Variants in DALRD3 observed in about 807,000 individuals in gnomAD.
The protein encoded by DALRD3 is DALR anticodon-binding domain-containing protein 3.
A neutral mutation model predicts 56.7 loss-of-function variants in DALRD3; 47 were observed. The ratio of observed to expected loss-of-function variants is 0.83; its 90% confidence interval spans 0.66 to 1.06. The LOEUF (loss-of-function observed/expected upper bound fraction) is 1.06. Among genes scored for constraint, DALRD3 ranks in the 50% least tolerant of loss-of-function variants. The probability of loss-of-function intolerance (pLI) is 0.00; values close to 1 mark genes in which losing one functional copy is unlikely to be tolerated. For synonymous variants in DALRD3, 347 were observed against 308.5 expected (o/e 1.12, Z -1.31); for missense variants, 787 against 724.0 (o/e 1.09, Z -1.00).
In DALRD3 at chr3:49,018,275, G is replaced by A; in HGVS notation, c.209C>T (p.Pro70Leu). 1.4e-6 allele frequency: 2 copies of A among 1,445,738 alleles called. No individual in the cohort carries two copies. The highest frequency in any genetic ancestry group is 5.3e-5 in the East Asian group (2 of 37,706). The allele number at this position is 1,445,738 out of a possible 1,614,324, so 89.6% of individuals were successfully genotyped here. ...GCAGCGCAGCACCGGGGCCACACCG[G>A]GGCCCTGCAGGCAGGCGAGGGCATG... ...LLHALACLQG[P>L]GVAPVLRCAP... The change falls in exon 2 of 12, where the codon CCC becomes CTC. Residue 70 changes from proline (P) to leucine (L), a missense_variant. Transcript: ENST00000341949.
upstream of DALRD3, chr3:49,018,782 C>G: frequency 1.0e-6 from 1 of 985,480 alleles, no homozygotes; most frequent in Non-Finnish European, 1.2e-6. Flanking sequence ...TCTCGGGGCC[C>G]TCCCTGGGCC....
upstream of DALRD3, among the ~76,000 whole-genome samples, chr3:49,019,533 A>C (rs2093133703): frequency 6.8e-6 from 1 of 146,818 alleles, no homozygotes; most frequent in African/African-American, 2.5e-5. Flanking sequence ...AGGCTGGAGT[A>C]CAGTGGTGTG....
chr3:49,015,613 C>G lies in DALRD3; in HGVS notation c.1607G>C (p.Gly536Ala). The G allele has an allele frequency of 6.2e-7, 1 of 1,614,110 alleles. No individual in the cohort carries two copies. The highest frequency in any genetic ancestry group is 1.1e-5 in the South Asian group (1 of 91,082). The change falls in exon 12 of 12, where the codon GGT (glycine) becomes GCT (alanine). Residue 536 changes from glycine (G) to alanine (A), a missense_variant. Physicochemically the swap from Gly to Ala is moderately conservative, Grantham distance 60. Coordinates refer to ENST00000341949, the MANE Select transcript of DALRD3 (RefSeq NM_001009996.3). Reference sequence around the variant, plus strand: ...TTAAATGTGGCTCAGTGGAGGGAGACCCAGCATAGCCAGGCCAGTATGGAG... The same window carrying G: ...TTAAATGTGGCTCAGTGGAGGGAGAGCCAGCATAGCCAGGCCAGTATGGAG... ...EVLHTGLAML[G>A]LPPLSHI
upstream of DALRD3, chr3:49,020,289 A>C (rs2093142071): frequency 2.0e-6 from 1 of 506,210 alleles, no homozygotes. Context: ...GGGAACCCTC[A>C]GTCAAACTGA....
At chr3:49,019,858 C>A (rs2093137174), upstream of DALRD3, among the ~76,000 whole-genome samples, 1 of 152,238 alleles carries the variant, frequency 6.6e-6, no homozygotes, top group Non-Finnish European at 1.5e-5. Flanking sequence ...TAGGCAACAG[C>A]CATTTACGGG....
chr3:49,018,309 G>A lies in DALRD3; in HGVS notation c.175C>T (p.His59Tyr), dbSNP rs1189399878. 6.8e-7 allele frequency: 1 copy of A among 1,471,934 alleles called. No individual in the cohort carries two copies. Among genetic ancestry groups the A allele is most frequent in the Non-Finnish European group, 8.9e-7 (1 of 1,118,432 alleles). The allele number at this position is 1,471,934 out of a possible 1,614,324, so 91.2% of individuals were successfully genotyped here. The stretch of plus-strand genomic sequence containing the variant: ...AGGCAGGCGAGGGCATGGAGCAAAT[G>A]CTCCGGAACCTGCGGGAGAACGGGC... ...ARFDDGQVPEHLLHALACLQG... is the reference protein window; with the variant it reads ...ARFDDGQVPEYLLHALACLQG... Residue 59 changes from histidine to tyrosine, a missense_variant, in exon 2 of 12, where the codon CAT becomes TAT. Physicochemically the swap from His to Tyr is moderately conservative, Grantham distance 83 (BLOSUM62 2). Transcript: ENST00000341949.
upstream of DALRD3, chr3:49,018,867 T>C (rs2093126448): frequency 1.0e-6 from 1 of 985,324 alleles, no homozygotes; most frequent in Non-Finnish European, 1.2e-6. Flanking sequence ...TTAGACCGGG[T>C]ACCGTCTCTT....
rs1411736310 is a variant in DALRD3 at position 49,016,188 on chromosome 3, GCT to G, written c.1297_1298del (p.Ser433GlnfsTer9). The G allele has an allele frequency of 1.9e-6, 3 of 1,614,028 alleles. No individual in the cohort carries two copies. In the African/African-American group the frequency reaches 4.0e-5, roughly 22 times the overall value. ...CATGTAGCAGTGAGAAGTCCAGACT[GCT>G]CACAGGAGGAAAAGTGGGGTACAGA... ...QGLYPTFPPVSSLDFSLLHDE... is the reference protein window; with the variant it reads ...QGLYPTFPPVXSLDFSLLHDE... On this transcript the variant is annotated frameshift_variant, in exon 9 of 12. Transcript: ENST00000341949. LOFTEE classifies it high-confidence loss of function.
At chr3:49,019,715 TCCG>T (rs2106753811), upstream of DALRD3, among the ~76,000 whole-genome samples, 1 of 151,486 alleles carries the variant, frequency 6.6e-6, no homozygotes, top group East Asian at 2.0e-4. Context: ...CCTCAGGTGA[TCCG>T]CCTGCCTCGG....
chr3:49,020,571 G>C (rs1241577565), upstream of DALRD3: 1 of 470,908 alleles, frequency 2.1e-6, no homozygotes, highest in Admixed American at 2.4e-5. Context: ...GCTCAGTAAA[G>C]TATGTCTGGG....
In DALRD3 at chr3:49,016,223, C is replaced by T. The variant is rs751985539; in HGVS notation, c.1264G>A (p.Glu422Lys). The T allele has an allele frequency of 1.9e-5, 31 of 1,614,046 alleles. No individual in the cohort carries two copies. The highest frequency in any genetic ancestry group is 2.6e-5 in the Non-Finnish European group (31 of 1,180,040). ...GGAAAAGTGGGGTACAGACCTTGTT[C>T]CATACTACACTTGTAACTCTCAAAG... Reference protein sequence around the residue: ...TLFESYKCSMEQGLYPTFPPV... With the variant: ...TLFESYKCSMKQGLYPTFPPV... The change falls in exon 9 of 12, where the codon GAA (glutamate) becomes AAA (lysine). Residue 422 changes from glutamate to lysine, a missense_variant. Physicochemically the swap from Glu to Lys is moderately conservative, Grantham distance 56. Transcript: ENST00000341949.
At chr3:49,018,724 C>A (rs910873522), upstream of DALRD3, 1 of 1,396,228 alleles carries the variant, frequency 7.2e-7, no homozygotes, top group Admixed American at 3.3e-5. Context: ...CCGCCCCCAG[C>A]GCCCCTTCCG....
chr3:49,018,262 CG>C lies in DALRD3; in HGVS notation c.221del (p.Pro74ArgfsTer61). On this transcript the variant is annotated frameshift_variant, in exon 2 of 12. Coordinates refer to ENST00000341949, the MANE Select transcript of DALRD3 (RefSeq NM_001009996.3). LOFTEE classifies it high-confidence loss of function. ...CGGGGGTCGGCGCGCAGCGCAGCACCGGGGCCACACCGGGGCCCTGCAGGCA... is the reference window on the plus strand; with the variant it reads ...CGGGGGTCGGCGCGCAGCGCAGCACCGGGCCACACCGGGGCCCTGCAGGCA... ...LACLQGPGVA[P>X]VLRCAPTPAG... is the part of the protein sequence containing the mutation. The C allele has an allele frequency of 6.9e-7, 1 of 1,442,454 alleles. No homozygotes were observed. The allele number at this position is 1,442,454 out of a possible 1,614,324, so 89.4% of individuals were successfully genotyped here.
At position 49,018,114 on chromosome 3, in the gene DALRD3, C is replaced by T. The variant is rs2093112652; in HGVS notation, c.370G>A (p.Ala124Thr). 3.4e-6 allele frequency: 5 copies of T among 1,483,820 alleles called. No individual in the cohort carries two copies. The highest frequency in any genetic ancestry group is 2.7e-6 in the Non-Finnish European group (3 of 1,126,796). 91.9% of individuals were successfully genotyped at this position (1,483,820 alleles called of 1,614,324 possible). Residue 124 changes from alanine (A) to threonine (T), a missense_variant, in exon 2 of 12, where the codon GCA (alanine) becomes ACA (threonine). Ala to Thr is a moderately conservative substitution (Grantham distance 58, BLOSUM62 0). Transcript: ENST00000341949. ...LGQRVLLHCP[A>T]LRSSPCALRL... ...AGTGCGCAGGGGGAGCTGCGCAGTGCTGGGCAGTGTAGTAAGACGCGCTGG... is the reference window on the plus strand; with the variant it reads ...AGTGCGCAGGGGGAGCTGCGCAGTGTTGGGCAGTGTAGTAAGACGCGCTGG...
Position 49,016,715 on chromosome 3 carries a change from G to T in DALRD3, c.1002-42C>A, listed in dbSNP as rs532179385. On this transcript the variant is annotated intron_variant, in intron 6 of 11. Coordinates refer to ENST00000341949, the MANE Select transcript of DALRD3 (RefSeq NM_001009996.3). The stretch of plus-strand genomic sequence containing the variant: ...GGAAGGCCAGTGGGCAGGGTCCTGG[G>T]TAAAGAGTCCCCCCTCATTACCCTG... 7 of 1,613,776 alleles carry T rather than the reference G, an allele frequency of 4.3e-6. No individual in the cohort carries two copies. In the South Asian group the frequency reaches 7.7e-5, roughly 18 times the overall value.
rs576118617 is a variant in DALRD3, at chr3:49,017,812, C to T, written c.519G>A (p.Gln173=). 82 of 1,612,332 alleles carry T rather than the reference C, an allele frequency of 5.1e-5. 3 individuals carry two copies. In the South Asian group the frequency reaches 8.3e-4, roughly 16 times the overall value. ...CAGCGGGCCAGTCCACCCGCAGTTG[C>T]TGCAGGAAGGTCAGCATGTGCGGAT... The part of the protein sequence containing the change: ...VRDPHMLTFL[Q]QLRVDWPAAS... The change falls in exon 3 of 12, where the codon CAG becomes CAA. Residue 173 remains glutamine (Q), a synonymous_variant. Transcript: ENST00000341949.
rs1273148757 is a variant in DALRD3, at chr3:49,018,481, C to T, written c.84G>A (p.Lys28=). 4.4e-6 allele frequency: 7 copies of T among 1,588,682 alleles called. No individual in the cohort carries two copies. Among genetic ancestry groups the T allele is most frequent in the East Asian group, 2.3e-5 (1 of 43,496 alleles). ...ALGPGGPVWI[K]ETRTRHLRSR... Reference sequence around the variant, plus strand: ...AACGCAGGTGGCGGGTGCGCGTCTCCTTGATCCACACCGGACCGCCTGGCC... The same window carrying T: ...AACGCAGGTGGCGGGTGCGCGTCTCTTTGATCCACACCGGACCGCCTGGCC... The change falls in exon 1 of 12, where the codon AAG becomes AAA. Residue 28 remains lysine, a synonymous_variant. Coordinates refer to ENST00000341949, the MANE Select transcript of DALRD3 (RefSeq NM_001009996.3).
chr3:49,017,625 C>T lies in DALRD3; in HGVS notation c.706G>A (p.Asp236Asn), dbSNP rs1217001833. The T allele has an allele frequency of 1.2e-6, 2 of 1,614,168 alleles. No individual in the cohort carries two copies. The highest frequency in any genetic ancestry group is 1.7e-6 in the Non-Finnish European group (2 of 1,180,022). ...CTTCAGGTCCTACCCAGACAGTTGT[C>T]CAGGTTGGGGTCATAGCCAGCTGTG... Reference protein sequence around the residue: ...GRTAGYDPNLDNCLVTEDLLS... With the variant: ...GRTAGYDPNLNNCLVTEDLLS... Residue 236 changes from aspartate to asparagine, a missense_variant, in exon 3 of 12, where the codon GAC (aspartate) becomes AAC (asparagine). By Grantham distance (23) the Asp-to-Asn change is conservative. Transcript: ENST00000341949.
rs1246071045 is a variant in DALRD3, at chr3:49,016,155, C to T, written c.1329+3G>A. The T allele has an allele frequency of 2.5e-6, 4 of 1,613,712 alleles. No individual in the cohort carries two copies. The highest frequency in any genetic ancestry group is 3.4e-6 in the Non-Finnish European group (4 of 1,179,696). On this transcript the variant is annotated splice_donor_region_variant and intron_variant, in intron 9 of 11. Transcript: ENST00000341949. ...TGTGCCAGCTACCAGGAGGGACACT[C>T]ACCTCATCATGTAGCAGTGAGAAGT...
Sources: gnomAD v4.1 joint callset for allele counts (sites outside exome capture counted in the v4.1 genomes callset) on GRCh38, gnomAD v4.1.1 for gene constraint, MANE v1.5 for transcripts, NCBI Gene and HGNC (gene_info 2026-07-23, HGNC 2026-07-21) for gene names.